MYH8: variants seen among roughly 807,000 people sequenced by gnomAD.
MYH8 encodes myosin-8.
A neutral mutation model predicts 233.2 loss-of-function variants in MYH8; 168 were observed. The ratio of observed to expected loss-of-function variants is 0.72; its 90% CI spans 0.64 to 0.82. The LOEUF is 0.82. MYH8 is among the 40% of genes least tolerant of loss of function. The pLI is 0.00. For synonymous variants in MYH8, 785 were observed against 850.6 expected (o/e 0.92, Z 1.34); for missense variants, 1,995 against 2,327.8 (o/e 0.86, Z 2.94).
At chr17:10,404,188 T>A in intron 22 of MYH8, 142 bp downstream of exon 22, 1 of 1,012,134 alleles carries the variant, frequency 9.9e-7, no homozygotes. Flanking sequence ...TTCTTCCCCA[T>A]AGAATACTAA....
intron 27 of MYH8, 140 bp from the exon 28 acceptor site, chr17:10,399,809 C>T: frequency 7.9e-7 from 1 of 1,273,700 alleles, no homozygotes; most frequent in African/African-American, 1.5e-5. Flanking sequence ...GTGGAACATG[C>T]AAGAATTTAG....
chr17:10,401,887 T>G, intron 22 of MYH8, 102 bp from the exon 23 acceptor site: 3 of 1,449,648 alleles, frequency 2.1e-6, no homozygotes, highest in Non-Finnish European at 2.9e-6. Context: ...TTCTGTTGAA[T>G]TTTTCAGTAT....
In MYH8 at chr17:10,394,267, G is replaced by C; in HGVS notation, c.5148C>G (p.Val1716=). The C allele has an allele frequency of 6.2e-7, 1 of 1,613,914 alleles. No individual in the cohort carries two copies. Among genetic ancestry groups the C allele is most frequent in the East Asian group, 2.2e-5 (1 of 44,860 alleles). The change falls in exon 35 of 40, where the codon GTC becomes GTG. Residue 1716 remains valine, a synonymous_variant. Transcript: ENST00000403437. ...GTCTCACCTGGGTGTGGAGGAGCTG[G>C]ACACGCTCACTGGCATCCAGGAGCT... is the stretch of plus-strand genomic sequence containing the variant. ...EQELLDASER[V]QLLHTQNTSL... is the part of the protein sequence containing the mutation.
At position 10,410,779 on chromosome 17, in the gene MYH8, T is replaced by G. The variant is rs747362245; in HGVS notation, c.1585A>C (p.Lys529Gln). Reference protein sequence around the residue: ...DLAACIELIEKPLGIFSILEE... With the variant: ...DLAACIELIEQPLGIFSILEE... Reference sequence around the variant, plus strand: ...CCTTCTTTGGAAACCAAACCGACCTTCTCAATGAGCTCAATGCAGGCAGCC... The same window carrying G: ...CCTTCTTTGGAAACCAAACCGACCTGCTCAATGAGCTCAATGCAGGCAGCC... The change falls in exon 15 of 40, where the codon AAG (lysine) becomes CAG (glutamine). Residue 529 changes from lysine (K) to glutamine (Q), a missense_variant and splice_region_variant. This residue lies in a region of MYH8 where 1,498 missense variants were observed against 1,680.9 expected (regional missense o/e 0.89). Coordinates refer to ENST00000403437, the MANE Select transcript of MYH8 (RefSeq NM_002472.3). The G allele has an allele frequency of 5.6e-6, 9 of 1,613,820 alleles. No homozygotes were observed. In the Admixed American group the frequency reaches 1.3e-4, roughly 24 times the overall value.
intron 28 of MYH8, 37 bp downstream of exon 28, chr17:10,399,506 A>C: frequency 6.2e-7 from 1 of 1,612,302 alleles, no homozygotes; most frequent in Non-Finnish European, 8.5e-7. Context: ...CATTTTATTT[A>C]GTCCATGGTG....
rs1228434133 is a variant in MYH8, at chr17:10,406,110, A to G, written c.2363T>C (p.Ile788Thr). 1 of 1,614,112 alleles carries G rather than the reference A, an allele frequency of 6.2e-7. No homozygotes were observed. Among genetic ancestry groups the G allele is most frequent in the South Asian group, 1.1e-5 (1 of 91,080 alleles). ...CCTACAGACAGCTTGTGTTCTTGTT[A>G]TAATTTGGGCTAATTTTTCATCTCT... ...EMRDEKLAQI[I>T]TRTQAVCRGF... The change falls in exon 21 of 40, where the codon ATA (isoleucine) becomes ACA (threonine). Residue 788 changes from isoleucine to threonine, a missense_variant. Ile to Thr is a moderately conservative substitution (Grantham distance 89, BLOSUM62 -1). This residue lies in a region of MYH8 where 1,498 missense variants were observed against 1,680.9 expected (regional missense o/e 0.89). Coordinates refer to ENST00000403437, the MANE Select transcript of MYH8 (RefSeq NM_002472.3).
chr17:10,396,261 C>T lies in MYH8; in HGVS notation c.4653+69G>A. ...AAGATCCTGTGAGTTTAAATTATCA[C>T]TAGCCCCACTTTTTTTTAACTGATG... On this transcript the variant is annotated intron_variant, in intron 33 of 39. Coordinates refer to ENST00000403437, the MANE Select transcript of MYH8 (RefSeq NM_002472.3). This position sits in a 1 kb window ranked among gnomAD's most constrained non-coding sequence, Gnocchi z 4.2. The T allele has an allele frequency of 3.8e-6, 6 of 1,577,464 alleles. No homozygotes were observed. The South Asian group carries it at 5.7e-5, about 15-fold the overall frequency.
At chr17:10,407,195 T>C (rs559402390) in intron 17 of MYH8, among the ~76,000 whole-genome samples, 6 of 152,300 alleles carry the variant, frequency 3.9e-5, no homozygotes, top group African/African-American at 1.4e-4. Flanking sequence ...AGGTATTCCT[T>C]TGTAACACCA....
chr17:10,412,286 T>C, intron 14 of MYH8, 84 bp downstream of exon 14: 1 of 1,613,620 alleles, frequency 6.2e-7, no homozygotes, highest in Admixed American at 1.7e-5. Context: ...ATATGGACGC[T>C]ATAAATGTGG....
intron 28 of MYH8, 106 bp from the exon 29 acceptor site, chr17:10,398,992 G>GTGTA: frequency 2.3e-6 from 1 of 439,840 alleles, no homozygotes; most frequent in Non-Finnish European, 3.8e-6. Flanking sequence ...ATATGTGTGT[G>GTGTA]TGTATATATA....
At position 10,415,115 on chromosome 17, in the gene MYH8, C is replaced by CAA; in HGVS notation, c.805_805+1insTT (p.Tyr269PhefsTer4). 1 of 1,612,014 alleles carries CAA rather than the reference C, an allele frequency of 6.2e-7. No homozygotes were observed. The highest frequency in any genetic ancestry group is 8.5e-7 in the Non-Finnish European group (1 of 1,178,036). The stretch of plus-strand genomic sequence containing the variant: ...TGATTTTCAATGGTCCTGTTACTCA[C>CAA]ATGTTTCTATATCAGCAGATGCCAG... On this transcript the variant is annotated frameshift_variant and splice_region_variant. Coordinates refer to ENST00000403437, the MANE Select transcript of MYH8 (RefSeq NM_002472.3). LOFTEE classifies it high-confidence loss of function. This position sits in a 1 kb window ranked among gnomAD's most constrained non-coding sequence, Gnocchi z 4.1.
At chr17:10,407,569 G>A (rs571297472) in intron 17 of MYH8, among the ~76,000 whole-genome samples, 24 of 152,180 alleles carry the variant, frequency 1.6e-4, no homozygotes, top group African/African-American at 4.6e-4. Flanking sequence ...GGCCAGGCAT[G>A]GTGGCTCACG....
At chr17:10,406,545 A>G (rs183624665) in intron 19 of MYH8, 145 bp downstream of exon 19, 2 of 1,382,538 alleles carry the variant, frequency 1.4e-6, no homozygotes, top group Non-Finnish European at 2.1e-6. Flanking sequence ...GTAAAACAAT[A>G]TGATTTTCTG....
rs60171839 is a variant in MYH8, at chr17:10,404,751, A to G, written c.2433-166T>C. ...TACACACACACACACACACACACAC[A>G]TGTACACACATTCTCGCGCTCACAC... On this transcript the variant is annotated intron_variant, in intron 21 of 39. Transcript: ENST00000403437. Among the ~76,000 whole-genome samples, 51,134 of 148,954 alleles carry G rather than the reference A, an allele frequency of 0.34. 9,777 individuals are homozygous for G. The highest frequency in any genetic ancestry group is 0.43 in the African/African-American group (16,746 of 39,398).
In MYH8 at chr17:10,410,917, A is replaced by C; in HGVS notation, c.1447T>G (p.Phe483Val). Residue 483 changes from phenylalanine to valine, a missense_variant, in exon 15 of 40, where the codon TTC becomes GTC. Phe to Val is a conservative substitution (Grantham distance 50). This residue lies in a region of MYH8 where 479 missense variants were observed against 600.9 expected (regional missense o/e 0.80). Coordinates refer to ENST00000403437, the MANE Select transcript of MYH8 (RefSeq NM_002472.3). ...FNSLEQLCIN[F>V]TNEKLQQFFN... ...AACTGTTGCAGTTTCTCGTTGGTGA[A>C]GTTGATGCACAGCTGCTCCAGGCTG... 1 of 1,614,128 alleles carries C rather than the reference A, an allele frequency of 6.2e-7. No individual in the cohort carries two copies. The highest frequency in any genetic ancestry group is 8.5e-7 in the Non-Finnish European group (1 of 1,179,990).
In MYH8 at chr17:10,420,139, T is replaced by TG. The variant is rs1301805791; in HGVS notation, c.88dup (p.Gln30ProfsTer6). On this transcript the variant is annotated frameshift_variant, in exon 3 of 40. Coordinates refer to ENST00000403437, the MANE Select transcript of MYH8 (RefSeq NM_002472.3). LOFTEE classifies it high-confidence loss of function. Reference sequence around the variant, plus strand: ...TGTTTTAGCATCAAACGGCTTGTTTTGGGCCTCAATCCGCTCCTTTTCTGA... The same window carrying TG: ...TGTTTTAGCATCAAACGGCTTGTTTTGGGGCCTCAATCCGCTCCTTTTCTGA... 3.1e-6 allele frequency: 5 copies of TG among 1,614,132 alleles called. No homozygotes were observed. Among genetic ancestry groups the TG allele is most frequent in the Non-Finnish European group, 4.2e-6 (5 of 1,180,060 alleles).
At position 10,390,413 on chromosome 17, in the gene MYH8, G is replaced by C. The variant is rs1168487725; in HGVS notation, c.*41C>G. On this transcript the variant is annotated 3_prime_UTR_variant, in exon 40 of 40. Coordinates refer to ENST00000403437, the MANE Select transcript of MYH8 (RefSeq NM_002472.3). ...CAAGTGACCAAAAATAGCACATTTTGTGCCTTTCTTCAGCCTCTTGATAGC... is the reference window on the plus strand; with the variant it reads ...CAAGTGACCAAAAATAGCACATTTTCTGCCTTTCTTCAGCCTCTTGATAGC... 1 of 1,611,652 alleles carries C rather than the reference G, an allele frequency of 6.2e-7. No homozygotes were observed.
chr17:10,416,304 A>G (rs2072289999), intron 5 of MYH8, among the ~76,000 whole-genome samples: 1 of 152,206 alleles, frequency 6.6e-6, no homozygotes, highest in African/African-American at 2.4e-5. Context: ...TTTTAAAGGC[A>G]GGATATCTTA....
At position 10,415,372 on chromosome 17, in the gene MYH8, CT is replaced by C. The variant is rs759272888; in HGVS notation, c.660del (p.Asp221IlefsTer19). The C allele has an allele frequency of 1.9e-6, 3 of 1,614,196 alleles. No individual in the cohort carries two copies. The East Asian group carries it at 6.7e-5, about 36-fold the overall frequency. ...DESGKMQGTL[E>X]DQIISANPLL... ...AGGGGATTGGCGCTGATGATTTGAT[CT>C]TCCAGAGTCCCCTGCAAAGGAAGGA... is the stretch of plus-strand genomic sequence containing the variant. On this transcript the variant is annotated frameshift_variant, in exon 8 of 40. Coordinates refer to ENST00000403437, the MANE Select transcript of MYH8 (RefSeq NM_002472.3). LOFTEE classifies it high-confidence loss of function. The surrounding 1 kb of genome is among the most constrained non-coding windows in gnomAD (Gnocchi z 4.1).
Sources: gnomAD v4.1 joint callset for allele counts (sites outside exome capture counted in the v4.1 genomes callset) on GRCh38, gnomAD v4.1.1 for gene constraint, gnomAD v4.1.1 regional missense constraint, Gnocchi (gnomAD v3.1) non-coding constraint, MANE v1.5 for transcripts, NCBI Gene and HGNC (gene_info 2026-07-23, HGNC 2026-07-21) for gene names.